DNAH10: variants seen among roughly 807,000 people sequenced by gnomAD.
The protein encoded by DNAH10 is dynein axonemal heavy chain 10.
A neutral mutation model predicts 506.6 loss-of-function variants in DNAH10; 348 were observed. That is an observed-to-expected ratio of 0.69 (90% CI 0.63 to 0.75). The LOEUF is 0.75. Ranked by LOEUF, DNAH10 falls within the 30% of genes least tolerant of loss-of-function variation. The pLI is 0.00. For missense variants in DNAH10, 5,179 were observed against 5,787.1 expected, an observed-to-expected ratio of 0.89 and a Z score of 3.41; for synonymous variants, 2,059 against 2,198.6, an observed-to-expected ratio of 0.94 and a Z score of 1.78.
In DNAH10 at chr12:123,793,930, AT is replaced by A; in HGVS notation, c.1816-5del. On this transcript the variant is annotated splice_polypyrimidine_tract_variant and intron_variant, in intron 11 of 78. Transcript: ENST00000673944. ...CAGGGGCATGAGGGTTGTTTTGTTG[AT>A]TTTTTTGCAGGTTATTGAGAAAGAA... 3 of 1,195,078 alleles carry A rather than the reference AT, an allele frequency of 2.5e-6. No individual in the cohort carries two copies. The highest frequency in any genetic ancestry group is 3.1e-5 in the South Asian group (2 of 64,098). 74.0% of individuals were successfully genotyped at this position (1,195,078 alleles called of 1,614,324 possible). A position where few individuals can be genotyped will look rare whatever the true frequency, so the allele number is the denominator to read the frequency against.
intron 45 of DNAH10, among the ~76,000 whole-genome samples, chr12:123,873,246 A>C (rs1952108028): frequency 6.6e-6 from 1 of 152,254 alleles, no homozygotes; most frequent in Non-Finnish European, 1.5e-5. Flanking sequence ...TGAAAGGTTG[A>C]ATGACTTTTT....
At chr12:123,930,020 G>A (rs1341664036) in intron 72 of DNAH10, 2 of 584,262 alleles carry the variant, frequency 3.4e-6, no homozygotes, top group African/African-American at 3.7e-5. Flanking sequence ...AGCTGTTGCT[G>A]TATACAGAGC....
rs1958010663 is a variant in DNAH10 at position 123,789,807 on chromosome 12, G to T, written c.1621-120G>T. ...TACCGAAGGGCTTAGTCCGGGAGGA[G>T]GTTACTGTGTGACATGATTCTTGCC... On this transcript the variant is annotated intron_variant, in intron 10 of 78. Transcript: ENST00000673944. 5 of 917,378 alleles carry T rather than the reference G, an allele frequency of 5.5e-6. No individual in the cohort carries two copies. In the South Asian group the frequency reaches 8.5e-5, roughly 16 times the overall value. 56.8% of individuals were successfully genotyped at this position (917,378 alleles called of 1,614,324 possible).
intron 4 of DNAH10, 86 bp from the exon 5 acceptor site, chr12:123,774,063 A>G: frequency 1.2e-6 from 1 of 833,514 alleles, no homozygotes; most frequent in South Asian, 1.7e-5. Context: ...CTTGGGAAGA[A>G]GGAGAAGATT....
intron 54 of DNAH10, among the ~76,000 whole-genome samples, chr12:123,895,674 C>T (rs1020024934): frequency 5.9e-5 from 9 of 152,194 alleles, no homozygotes; most frequent in Admixed American, 1.3e-4. Context: ...AGTTGGCCAG[C>T]CCCAATATAG....
chr12:123,844,396 GC>G, intron 30 of DNAH10, among the ~76,000 whole-genome samples: 1 of 152,296 alleles, frequency 6.6e-6, no homozygotes, highest in African/African-American at 2.4e-5. Flanking sequence ...TAGAAAAAAA[GC>G]TTTGTCTAAA....
At chr12:123,784,280 C>T in intron 8 of DNAH10, 103 bp downstream of exon 8, 1 of 1,174,420 alleles carries the variant, frequency 8.5e-7, no homozygotes. Context: ...GGAGCAGTGG[C>T]TCATGCCTGT....
Position 123,935,328 on chromosome 12 carries a change from C to G in DNAH10, c.13624-7C>G. On this transcript the variant is annotated splice_region_variant and splice_polypyrimidine_tract_variant and intron_variant, in intron 78 of 78. Coordinates refer to ENST00000673944, the MANE Select transcript of DNAH10 (RefSeq NM_001372106.1). ...GTGGGGGCATCTCACCTGCCTTTCC[C>G]TTGCAGAATACTTTCCGGACCCCCG... is the stretch of plus-strand genomic sequence containing the variant. The G allele has an allele frequency of 1.3e-6, 2 of 1,598,380 alleles. No homozygotes were observed. The highest frequency in any genetic ancestry group is 1.7e-6 in the Non-Finnish European group (2 of 1,166,864).
chr12:123,877,711 G>GC (rs1456264651), intron 47 of DNAH10, 25 bp from the exon 48 acceptor site: 5 of 1,595,964 alleles, frequency 3.1e-6, no homozygotes, highest in African/African-American at 1.3e-5. Context: ...TTGTGTGTTG[G>GC]GGGGGGTGTC....
intron 43 of DNAH10, 134 bp downstream of exon 43, chr12:123,868,253 A>G (rs543064126): frequency 2.6e-5 from 21 of 820,736 alleles, no homozygotes; most frequent in African/African-American, 3.5e-5. Flanking sequence ...GAAACATGCA[A>G]TGGTCAGAGC....
chr12:123,834,793 G>GCAT, intron 27 of DNAH10, among the ~76,000 whole-genome samples: 1 of 152,192 alleles, frequency 6.6e-6, no homozygotes, highest in South Asian at 2.1e-4. Flanking sequence ...CTTTACGTCT[G>GCAT]GCTTTTGTCA....
At chr12:123,837,732 A>G (rs61440646) in intron 28 of DNAH10, among the ~76,000 whole-genome samples, 1 of 143,174 alleles carries the variant, frequency 7.0e-6, no homozygotes, top group East Asian at 2.1e-4. Context: ...GCACCACCAC[A>G]CCCGGCTAAC....
chr12:123,915,295 T>G (rs963839670), intron 62 of DNAH10, among the ~76,000 whole-genome samples: 1 of 152,184 alleles, frequency 6.6e-6, no homozygotes, highest in African/African-American at 2.4e-5. Context: ...TCAGTCACTA[T>G]TTTTTGGAGC....
chr12:123,770,268 A>AAAT (rs763621560), intron 2 of DNAH10, among the ~76,000 whole-genome samples: 3 of 151,238 alleles, frequency 2.0e-5, no homozygotes, highest in East Asian at 3.9e-4. Flanking sequence ...TTTTTTTAAA[A>AAAT]TTTTTTTTGT....
At chr12:123,835,042 C>T (rs769124414) in intron 27 of DNAH10, among the ~76,000 whole-genome samples, 65 of 152,272 alleles carry the variant, frequency 4.3e-4, no homozygotes, top group Admixed American at 5.2e-4. Flanking sequence ...TACCTAGGAG[C>T]GGAATTGCTG....
rs1955048146 is a variant in DNAH10, at chr12:123,928,549, A to G, written c.12268A>G (p.Lys4090Glu). 1 of 1,609,792 alleles carries G rather than the reference A, an allele frequency of 6.2e-7. No homozygotes were observed. Among genetic ancestry groups the G allele is most frequent in the Admixed American group, 1.7e-5 (1 of 59,518 alleles). ...FRLWLTTDPT[K>E]GFPIGILQKS... ...CCTGTGGCTCACCACGGACCCCACC[A>G]AGGGCTTCCCCATTGGGATTCTGCA... The change falls in exon 70 of 79, where the codon AAG (lysine) becomes GAG (glutamate). Residue 4090 changes from lysine (K) to glutamate (E), a missense_variant. Transcript: ENST00000673944. The surrounding 1 kb of genome is among the most constrained non-coding windows in gnomAD (Gnocchi z 4.9).
At chr12:123,911,035 G>A (rs1258495264) in intron 59 of DNAH10, among the ~76,000 whole-genome samples, 5 of 151,338 alleles carry the variant, frequency 3.3e-5, no homozygotes, top group African/African-American at 1.2e-4. Context: ...GTGAGACCCT[G>A]TCTCTACAAA....
chr12:123,853,924 G>A lies in DNAH10; in HGVS notation c.6438+572G>A, dbSNP rs898922452. On this transcript the variant is annotated intron_variant, in intron 36 of 78. Transcript: ENST00000673944. This position sits in a 1 kb window ranked among gnomAD's most constrained non-coding sequence, Gnocchi z 4.7. Reference sequence around the variant, plus strand: ...CACGCACATGTACACATACGCACACGCACGCACACGCACACGCACACACAC... The same window carrying A: ...CACGCACATGTACACATACGCACACACACGCACACGCACACGCACACACAC... 3.3e-5 allele frequency among the ~76,000 whole-genome samples: 5 copies of A among 149,482 alleles called. No homozygotes were observed. The highest frequency in any genetic ancestry group is 5.9e-5 in the Non-Finnish European group (4 of 67,404).
Position 123,826,821 on chromosome 12 carries a change from C to T in DNAH10, c.4314C>T (p.Tyr1438=), listed in dbSNP as rs377249717. The change falls in exon 25 of 79, where the codon TAC becomes TAT. Residue 1438 remains tyrosine (Y), a synonymous_variant. Transcript: ENST00000673944. ...RPVRGLSVTY[Y]LEAKMKAFKD... is the part of the protein sequence containing the mutation. Reference sequence around the variant, plus strand: ...TCCGTGGCTTATCAGTGACCTACTACTTGGAAGCAAAAATGAAGGCATTCA... The same window carrying T: ...TCCGTGGCTTATCAGTGACCTACTATTTGGAAGCAAAAATGAAGGCATTCA... 2.5e-6 allele frequency: 4 copies of T among 1,613,846 alleles called. No individual in the cohort carries two copies. The African/African-American group carries it at 5.3e-5, about 22-fold the overall frequency.
Sources: gnomAD v4.1 joint callset for allele counts (sites outside exome capture counted in the v4.1 genomes callset) on GRCh38, gnomAD v4.1.1 for gene constraint, Gnocchi (gnomAD v3.1) non-coding constraint, MANE v1.5 for transcripts, NCBI Gene and HGNC (gene_info 2026-07-23, HGNC 2026-07-21) for gene names.